DPH6: variants seen among roughly 807,000 people sequenced by gnomAD.
The protein encoded by DPH6 is diphthamine biosynthesis 6, also known as diphthine--ammonia ligase.
DPH6 carries 33 observed loss-of-function variants against 38.2 expected under a neutral mutation model. That is an observed-to-expected ratio of 0.86 (90% CI 0.65 to 1.15). The LOEUF is 1.15. DPH6 is among the 50% of genes most tolerant of loss of function. The pLI is 0.00. For synonymous variants in DPH6, 108 were observed against 103.0 expected (o/e 1.05, Z -0.30); for missense variants, 325 against 320.0 (o/e 1.02, Z -0.12).
intron 3 of DPH6, among the ~76,000 whole-genome samples, chr15:35,323,449 C>T (rs1372652484): frequency 6.6e-6 from 1 of 151,880 alleles, no homozygotes; most frequent in Non-Finnish European, 1.5e-5. Flanking sequence ...ACAGAGTGAA[C>T]ACAGGATGTC....
Position 35,437,476 on chromosome 15 carries a change from A to G in DPH6, c.505+13209T>C, listed in dbSNP as rs114578963. On this transcript the variant is annotated intron_variant, in intron 5 of 8. Transcript: ENST00000256538. ...GAGGAAGGGAACCCCGGAGCCTGACATGCAGGCAAAAGAGTAAACTTTTTT... is the reference window on the plus strand; with the variant it reads ...GAGGAAGGGAACCCCGGAGCCTGACGTGCAGGCAAAAGAGTAAACTTTTTT... Among the ~76,000 whole-genome samples, 94 of 152,336 alleles carry G rather than the reference A, an allele frequency of 6.2e-4. 1 individual carries two copies. Among genetic ancestry groups the G allele is most frequent in the African/African-American group, 2.1e-3 (87 of 41,578 alleles).
chr15:35,418,095 T>C (rs769501864), intron 5 of DPH6, among the ~76,000 whole-genome samples: 2 of 152,114 alleles, frequency 1.3e-5, no homozygotes, highest in Non-Finnish European at 2.9e-5. Context: ...GTCTCTTTTC[T>C]AGTAAAGCTT....
chr15:35,262,610 G>A (rs1397742493), intron 3 of DPH6, among the ~76,000 whole-genome samples: 1 of 150,028 alleles, frequency 6.7e-6, no homozygotes, highest in Non-Finnish European at 1.5e-5. Context: ...AGAGGCTGAG[G>A]CAGGAGAATG....
intron 3 of DPH6, among the ~76,000 whole-genome samples, chr15:35,486,981 A>C (rs903809619): frequency 3.9e-5 from 6 of 152,196 alleles, no homozygotes; most frequent in Non-Finnish European, 5.9e-5. Context: ...GCAAGTCTGA[A>C]ACCCGGCAGG....
chr15:35,405,722 T>C (rs1456000106), intron 6 of DPH6, among the ~76,000 whole-genome samples: 2 of 152,118 alleles, frequency 1.3e-5, no homozygotes, highest in African/African-American at 4.8e-5. Context: ...TAGCTAAGAC[T>C]TCCAGTACTA....
At chr15:35,403,410 T>C (rs1351757697) in intron 6 of DPH6, among the ~76,000 whole-genome samples, 1 of 152,134 alleles carries the variant, frequency 6.6e-6, no homozygotes, top group African/African-American at 2.4e-5. Flanking sequence ...TTAGAATCAG[T>C]CCAATTACAC....
chr15:35,503,628 T>C (rs2054655625), intron 3 of DPH6, among the ~76,000 whole-genome samples: 1 of 152,148 alleles, frequency 6.6e-6, no homozygotes, highest in Non-Finnish European at 1.5e-5. Context: ...CAAATCTTCC[T>C]GGATCTTGTT....
At chr15:35,472,266 C>T (rs774141370) in intron 3 of DPH6, among the ~76,000 whole-genome samples, 1 of 152,162 alleles carries the variant, frequency 6.6e-6, no homozygotes, top group Admixed American at 6.5e-5. Context: ...AGTGAAGGAA[C>T]ACACGGATTA....
chr15:35,195,722 C>T, the DPH6 span, among the ~76,000 whole-genome samples: 1 of 152,034 alleles, frequency 6.6e-6, no homozygotes, highest in Non-Finnish European at 1.5e-5. Flanking sequence ...CACCCAAGAC[C>T]CATCCGTGTA....
chr15:35,447,537 A>G (rs1178012925), intron 5 of DPH6, among the ~76,000 whole-genome samples: 4 of 152,086 alleles, frequency 2.6e-5, no homozygotes, highest in Admixed American at 1.3e-4. Context: ...CCACAGGGAC[A>G]GTAAAACAGC....
At chr15:35,317,036 T>C (rs1004345595) in intron 3 of DPH6, among the ~76,000 whole-genome samples, 4 of 152,166 alleles carry the variant, frequency 2.6e-5, no homozygotes, top group Non-Finnish European at 4.4e-5. Context: ...GGCAGGCAGA[T>C]TGCTTGAGCC....
intron 5 of DPH6, among the ~76,000 whole-genome samples, chr15:35,438,084 G>GC (rs147551018): frequency 0.032 from 4,822 of 152,222 alleles, 244 homozygotes; most frequent in African/African-American, 0.11. Context: ...CATAAACAGC[G>GC]CTGAGCTAAA....
At chr15:35,355,564 T>C (rs1200228371) in intron 3 of DPH6, among the ~76,000 whole-genome samples, 2 of 152,212 alleles carry the variant, frequency 1.3e-5, no homozygotes, top group East Asian at 1.9e-4. Flanking sequence ...TAGCTGGATA[T>C]GAAATTCTGG....
chr15:35,400,804 A>G, intron 6 of DPH6: 5 of 760,178 alleles, frequency 6.6e-6, no homozygotes, highest in Non-Finnish European at 1.2e-5. Context: ...GCAATGGGGA[A>G]TGCTCACGGA....
chr15:35,227,805 C>T (rs138253269), intron 3 of DPH6, among the ~76,000 whole-genome samples: 61 of 151,864 alleles, frequency 4.0e-4, no homozygotes, highest in African/African-American at 1.3e-3. Context: ...GTATCTCATA[C>T]GTTTTGGTAT....
At chr15:35,349,507 G>A (rs944125756) in intron 3 of DPH6, among the ~76,000 whole-genome samples, 6 of 152,098 alleles carry the variant, frequency 3.9e-5, no homozygotes, top group African/African-American at 1.4e-4. Context: ...AGTGATTTCG[G>A]CTTACTGCAA....
At chr15:35,213,985 G>A (rs559243359), downstream of DPH6, among the ~76,000 whole-genome samples, 13 of 152,206 alleles carry the variant, frequency 8.5e-5, no homozygotes, top group East Asian at 1.2e-3. Context: ...GGTGGCGGGC[G>A]CCTGTAGTCC....
At chr15:35,407,461 G>A (rs1337205449) in intron 6 of DPH6, among the ~76,000 whole-genome samples, 1 of 151,936 alleles carries the variant, frequency 6.6e-6, no homozygotes, top group Non-Finnish European at 1.5e-5. Context: ...GAGATGAAAA[G>A]CTACTGAATG....
In DPH6 at chr15:35,371,553, T is replaced by C. The variant is rs1302619377; in HGVS notation, c.*597A>G. 1.4e-5 allele frequency: 14 copies of C among 973,602 alleles called. No homozygotes were observed. Among genetic ancestry groups the C allele is most frequent in the African/African-American group, 1.8e-5 (1 of 56,974 alleles). 60.3% of individuals were successfully genotyped at this position (973,602 alleles called of 1,614,324 possible). On this transcript the variant is annotated 3_prime_UTR_variant, in exon 9 of 9. Coordinates refer to ENST00000256538, the MANE Select transcript of DPH6 (RefSeq NM_080650.4). ...AAGTCTATTTTTTGTAAAAGTTTTC[T>C]AAGGTCAACATAGTTAATACTGAAA... is the stretch of plus-strand genomic sequence containing the variant.
Sources: allele counts gnomAD v4.1 joint callset (sites outside exome capture counted in the v4.1 genomes callset), GRCh38; gene constraint gnomAD v4.1.1; transcripts MANE v1.5; gene names NCBI Gene and HGNC (gene_info 2026-07-23, HGNC 2026-07-21).